CORO2B: variants seen among roughly 807,000 people sequenced by gnomAD.
CORO2B encodes the protein coronin-2B.
A neutral mutation model predicts 58.8 loss-of-function variants in CORO2B; 26 were observed. The ratio of observed to expected loss-of-function variants is 0.44; its 90% confidence interval spans 0.32 to 0.61. The LOEUF is 0.61. Ranked by LOEUF, CORO2B falls within the 20% of genes least tolerant of loss-of-function variation. The pLI, the probability that CORO2B is intolerant of heterozygous loss-of-function variation, is 0.04. For synonymous variants in CORO2B, 242 were observed against 253.8 expected, an observed-to-expected ratio of 0.95 and a Z score of 0.44; for missense variants, 460 against 645.1, an observed-to-expected ratio of 0.71 and a Z score of 3.11.
At chr15:68,538,379 G>A in the CORO2B span, among the ~76,000 whole-genome samples, 28 of 152,340 alleles carry the variant, frequency 1.8e-4, no homozygotes, top group East Asian at 4.1e-3. Context: ...GGATGTGGCA[G>A]TACAGGAGAG....
At chr15:68,593,017 T>C (rs540514606) in intron 1 of CORO2B, among the ~76,000 whole-genome samples, 2 of 152,290 alleles carry the variant, frequency 1.3e-5, no homozygotes, top group Admixed American at 1.3e-4. Context: ...TGCACCAGCA[T>C]CTGGTGAGGG....
At position 68,715,328 on chromosome 15, in the gene CORO2B, C is replaced by T. The variant is rs762702573; in HGVS notation, c.967+17C>T. ...AAGGCCTAGGTAAGTGGCCCCGAGG[C>T]TGCCACAGCTGGTGTGCTCATGGCA... On this transcript the variant is annotated intron_variant, in intron 8 of 11. Transcript: ENST00000261861. 1.3e-6 allele frequency: 2 copies of T among 1,571,844 alleles called. No individual in the cohort carries two copies. Among genetic ancestry groups the T allele is most frequent in the Non-Finnish European group, 1.8e-6 (2 of 1,141,974 alleles).
the CORO2B span, among the ~76,000 whole-genome samples, chr15:68,525,028 C>T: frequency 6.6e-6 from 1 of 152,188 alleles, no homozygotes; most frequent in Non-Finnish European, 1.5e-5. Context: ...AAAACTCCTA[C>T]TCAGTATTTA....
At chr15:68,633,205 G>A (rs1011528560) in intron 1 of CORO2B, among the ~76,000 whole-genome samples, 6 of 151,930 alleles carry the variant, frequency 3.9e-5, no homozygotes, top group Admixed American at 2.6e-4. Context: ...AGAATGAGGC[G>A]GCCTCCCTTG....
chr15:68,615,524 G>C (rs905028275), intron 1 of CORO2B, among the ~76,000 whole-genome samples: 16 of 152,336 alleles, frequency 1.1e-4, no homozygotes, highest in Admixed American at 2.6e-4. Flanking sequence ...AAAAATGTTT[G>C]TGTTCTTCCA....
chr15:68,711,011 T>A, intron 4 of CORO2B, 130 bp downstream of exon 4: 1 of 1,040,088 alleles, frequency 9.6e-7, no homozygotes, highest in Non-Finnish European at 1.3e-6. Context: ...GCTTATTCAT[T>A]CATTCATTCA....
the CORO2B span, among the ~76,000 whole-genome samples, chr15:68,529,471 A>C: frequency 1.2e-4 from 18 of 152,322 alleles, no homozygotes; most frequent in African/African-American, 3.8e-4. Context: ...TGTACCCTTT[A>C]TCAATTGGCC....
chr15:68,604,024 G>A (rs1340343829), intron 1 of CORO2B, among the ~76,000 whole-genome samples: 1 of 152,180 alleles, frequency 6.6e-6, no homozygotes, highest in African/African-American at 2.4e-5. Flanking sequence ...AGGCTGTGGA[G>A]TCAAGACTGC....
chr15:68,590,902 TCTC>T (rs1034906949), intron 1 of CORO2B, among the ~76,000 whole-genome samples: 2 of 152,108 alleles, frequency 1.3e-5, no homozygotes, highest in African/African-American at 4.8e-5. Context: ...GCTGCCCTGT[TCTC>T]CTATGCAGGG....
the CORO2B span, among the ~76,000 whole-genome samples, chr15:68,553,284 A>G: frequency 6.6e-6 from 1 of 152,214 alleles, no homozygotes; most frequent in African/African-American, 2.4e-5. Context: ...GGCAAAAGGA[A>G]CTCTACAGAT....
At chr15:68,685,778 CTTTA>C (rs1260032136) in intron 2 of CORO2B, among the ~76,000 whole-genome samples, 2 of 130,712 alleles carry the variant, frequency 1.5e-5, no homozygotes, top group East Asian at 4.7e-4. Context: ...TGATTAAACA[CTTTA>C]TTTTATTGAT....
Position 68,673,759 on chromosome 15 carries a change from C to T in CORO2B, c.217-21381C>T, listed in dbSNP as rs553223600. Among the ~76,000 whole-genome samples the T allele has an allele frequency of 9.6e-5, 14 of 145,382 alleles. 1 individual carries two copies. The South Asian group carries it at 2.6e-3, about 27-fold the overall frequency. ...GGCTGAGGCAGGAGAATCACCTGAACGGGGGAGACAGAGTTTGCAGTGAGC... is the reference window on the plus strand; with the variant it reads ...GGCTGAGGCAGGAGAATCACCTGAATGGGGGAGACAGAGTTTGCAGTGAGC... On this transcript the variant is annotated intron_variant, in intron 2 of 11. Coordinates refer to ENST00000261861, the MANE Select transcript of CORO2B (RefSeq NM_006091.5).
intron 2 of CORO2B, among the ~76,000 whole-genome samples, chr15:68,649,065 C>T (rs1901549918): frequency 6.6e-6 from 1 of 152,176 alleles, no homozygotes; most frequent in African/African-American, 2.4e-5. Flanking sequence ...AACGCTTCCT[C>T]TCAATTTCTG....
chr15:68,596,737 G>A (rs1160198589), intron 1 of CORO2B, among the ~76,000 whole-genome samples: 1 of 152,234 alleles, frequency 6.6e-6, no homozygotes, highest in African/African-American at 2.4e-5. Flanking sequence ...TGGGGATGGT[G>A]TGGGAGGAGA....
chr15:68,548,371 A>G, the CORO2B span, among the ~76,000 whole-genome samples: 9 of 152,130 alleles, frequency 5.9e-5, no homozygotes, highest in Non-Finnish European at 8.8e-5. Context: ...CAAAGCTGCA[A>G]ATAACCTATT....
intron 2 of CORO2B, among the ~76,000 whole-genome samples, chr15:68,684,536 A>C (rs916620797): frequency 6.6e-6 from 1 of 152,214 alleles, no homozygotes; most frequent in East Asian, 1.9e-4. Flanking sequence ...ATACATGTGT[A>C]TGTTGCGGAC....
rs1323237571 is a variant in CORO2B, at chr15:68,579,090, G to A, written c.-173G>A. On this transcript the variant is annotated 5_prime_UTR_variant, in exon 1 of 12. Transcript: ENST00000261861. ...ACGAGCGGCGGGCGAGCGCCGACGA[G>A]CGGTCCCTGCGCGCTGCCCGCCCGG... 2.0e-6 allele frequency: 2 copies of A among 983,058 alleles called. No individual in the cohort carries two copies. Among genetic ancestry groups the A allele is most frequent in the East Asian group, 2.3e-4 (2 of 8,696 alleles). 60.9% of individuals were successfully genotyped at this position (983,058 alleles called of 1,614,324 possible).
the CORO2B span, among the ~76,000 whole-genome samples, chr15:68,520,580 G>C: frequency 2.0e-5 from 3 of 152,176 alleles, no homozygotes; most frequent in Non-Finnish European, 4.4e-5. Flanking sequence ...ACAGTTCACA[G>C]GGTATATTTT....
At chr15:68,534,691 A>G in the CORO2B span, among the ~76,000 whole-genome samples, 6 of 152,172 alleles carry the variant, frequency 3.9e-5, no homozygotes, top group Admixed American at 3.9e-4. Context: ...GTTATGTTAC[A>G]TGAGAATGCA....
Sources: allele counts gnomAD v4.1 joint callset (sites outside exome capture counted in the v4.1 genomes callset), GRCh38; gene constraint gnomAD v4.1.1; transcripts MANE v1.5; gene names NCBI Gene and HGNC (gene_info 2026-07-23, HGNC 2026-07-21).